LRRC37A2: variants seen among roughly 807,000 people sequenced by gnomAD.
The protein encoded by LRRC37A2 is leucine rich repeat containing 37 member A2.
In LRRC37A2, 9 loss-of-function variants were observed where a neutral mutation model predicts 68.8. The observed-to-expected ratio is 0.13, with a 90% CI of 0.08 to 0.23. The LOEUF is 0.23. LRRC37A2 is among the 10% of genes least tolerant of loss of function. The pLI is 1.00. For missense variants in LRRC37A2, 168 were observed against 950.4 expected (o/e 0.18, Z 10.82); for synonymous variants, 63 against 367.6 (o/e 0.17, Z 9.48).
the LRRC37A2 span, among the ~76,000 whole-genome samples, chr17:46,934,448 G>A: frequency 6.6e-6 from 1 of 152,106 alleles, no homozygotes; most frequent in African/African-American, 2.4e-5. Context: ...TTTGAGTCCA[G>A]GAGGCTAAGG....
At chr17:46,959,504 G>A in the LRRC37A2 span, among the ~76,000 whole-genome samples, 2 of 152,108 alleles carry the variant, frequency 1.3e-5, no homozygotes, top group African/African-American at 2.4e-5. Context: ...CAAAGGAAAA[G>A]GTTCTTCTGG....
At chr17:46,897,025 G>A in the LRRC37A2 span, among the ~76,000 whole-genome samples, 10 of 152,216 alleles carry the variant, frequency 6.6e-5, no homozygotes, top group African/African-American at 2.4e-4. Flanking sequence ...AGACCCACAA[G>A]CTAATGGGTG....
At chr17:47,015,006 CTTTTTTTTTT>C in the LRRC37A2 span, among the ~76,000 whole-genome samples, 1 of 106,144 alleles carries the variant, frequency 9.4e-6, no homozygotes, top group Non-Finnish European at 1.8e-5. Context: ...CCATTTTTAT[CTTTTTTTTTT>C]TTTTTTTTTG....
chr17:46,498,883 G>A, the LRRC37A2 span, among the ~76,000 whole-genome samples: 21 of 150,790 alleles, frequency 1.4e-4, 1 homozygote, highest in Admixed American at 7.9e-4. Flanking sequence ...GTAGATATAC[G>A]TATATATATC....
At chr17:46,917,146 T>C in the LRRC37A2 span, 2 of 152,086 alleles carry the variant, frequency 1.3e-5, no homozygotes, top group African/African-American at 2.4e-5. Context: ...TCCATCCCAA[T>C]AGTCCCAAAA....
At chr17:46,876,688 G>T in the LRRC37A2 span, 26 of 1,572,306 alleles carry the variant, frequency 1.7e-5, no homozygotes, top group Non-Finnish European at 2.2e-5. Context: ...AATGTGTGCA[G>T]GAGGAGCTTG....
chr17:46,852,113 C>T, the LRRC37A2 span, among the ~76,000 whole-genome samples: 1 of 152,246 alleles, frequency 6.6e-6, no homozygotes, highest in Non-Finnish European at 1.5e-5. Context: ...CCATCCTGGC[C>T]TCCGGCGAGC....
chr17:46,646,502 CAAAAAAAAAAAAAAAAAAAAA>C, the LRRC37A2 span, among the ~76,000 whole-genome samples: 5 of 502 alleles, frequency 1.0e-2, 2 homozygotes, highest in Non-Finnish European at 0.047. Context: ...GACTCCATCT[CAAAAAAAAAAAAAAAAAAAAA>C]AAAAAAAAAA....
chr17:46,940,739 C>T, the LRRC37A2 span: 1 of 1,580,724 alleles, frequency 6.3e-7, no homozygotes, highest in Non-Finnish European at 8.6e-7. Flanking sequence ...TTGATGAACC[C>T]TCATGCTGCA....
At chr17:46,854,088 C>T in the LRRC37A2 span, among the ~76,000 whole-genome samples, 24 of 152,288 alleles carry the variant, frequency 1.6e-4, no homozygotes, top group Non-Finnish European at 3.4e-4. Context: ...AAAGCCACCA[C>T]CACCCCAATC....
chr17:46,478,765 CTGTT>C, the LRRC37A2 span, among the ~76,000 whole-genome samples: 1 of 107,756 alleles, frequency 9.3e-6, no homozygotes, highest in Non-Finnish European at 2.2e-5. Flanking sequence ...ATATGCATGT[CTGTT>C]GGTAGAGCAG....
the LRRC37A2 span, among the ~76,000 whole-genome samples, chr17:46,902,562 A>G: frequency 6.6e-6 from 1 of 152,092 alleles, no homozygotes; most frequent in Non-Finnish European, 1.5e-5. Context: ...AACAACAAAC[A>G]AGGAGCAGTT....
At chr17:46,771,917 C>G in the LRRC37A2 span, among the ~76,000 whole-genome samples, 4 of 145,024 alleles carry the variant, frequency 2.8e-5, no homozygotes, top group Admixed American at 2.0e-4. Context: ...CCTGGGGAAG[C>G]GCCTCGGGCC....
At chr17:46,550,115 A>T (rs1211884745) in intron 10 of LRRC37A2, among the ~76,000 whole-genome samples, 1 of 17,328 alleles carries the variant, frequency 5.8e-5, no homozygotes, top group African/African-American at 2.5e-4. Flanking sequence ...CAGGAGTTTG[A>T]GACCAGCTTG....
chr17:46,946,178 G>C, the LRRC37A2 span, among the ~76,000 whole-genome samples: 207 of 151,318 alleles, frequency 1.4e-3, no homozygotes, highest in African/African-American at 4.7e-3. Context: ...TCTCATGCCT[G>C]TAATCCCAGC....
the LRRC37A2 span, among the ~76,000 whole-genome samples, chr17:46,865,772 AT>A: frequency 6.6e-6 from 1 of 151,920 alleles, no homozygotes. Flanking sequence ...TGCCCAGCTA[AT>A]TTTTTAATTT....
At chr17:46,739,844 G>A in the LRRC37A2 span, among the ~76,000 whole-genome samples, 3 of 151,614 alleles carry the variant, frequency 2.0e-5, no homozygotes, top group South Asian at 2.1e-4. Flanking sequence ...GACTACAGGC[G>A]CACACCACCA....
At chr17:46,721,548 T>C in the LRRC37A2 span, 4 of 1,229,572 alleles carry the variant, frequency 3.3e-6, no homozygotes, top group South Asian at 4.8e-5. Context: ...TCTGTGTGTG[T>C]GTGAATATAT....
At chr17:46,904,367 T>C in the LRRC37A2 span, among the ~76,000 whole-genome samples, 1 of 145,144 alleles carries the variant, frequency 6.9e-6, no homozygotes, top group Non-Finnish European at 1.5e-5. Context: ...GGTTGGTGAA[T>C]GGGTGGGTGG....
Sources: gnomAD v4.1 joint callset for allele counts (sites outside exome capture counted in the v4.1 genomes callset) on GRCh38, gnomAD v4.1.1 for gene constraint, MANE v1.5 for transcripts, NCBI Gene and HGNC (gene_info 2026-07-23, HGNC 2026-07-21) for gene names.